The following STK32B variants were observed in gnomAD, a reference collection of about 807,000 sequenced individuals.
The protein encoded by STK32B is serine/threonine-protein kinase 32B.
In STK32B, 43 loss-of-function variants were observed where a neutral mutation model predicts 52.6. That is an observed-to-expected ratio of 0.82 (90% CI 0.64 to 1.05). The LOEUF is 1.05. STK32B is among the 50% of genes least tolerant of loss of function. STK32B has a pLI of 0.00. For missense variants in STK32B, 621 were observed against 534.6 expected (o/e 1.16, Z -1.59); for synonymous variants, 238 against 204.3 (o/e 1.17, Z -1.41).
chr4:5,279,700 T>C (rs893407795), intron 3 of STK32B, among the ~76,000 whole-genome samples: 1 of 152,118 alleles, frequency 6.6e-6, no homozygotes, highest in African/African-American at 2.4e-5. Context: ...CTCCGCCAGG[T>C]GTTGCCATAC....
intron 11 of STK32B, among the ~76,000 whole-genome samples, chr4:5,483,801 T>C (rs1321452865): frequency 1.3e-5 from 2 of 152,186 alleles, no homozygotes; most frequent in Non-Finnish European, 2.9e-5. Flanking sequence ...TTGTTCTCGT[T>C]GGTTTCAAAG....
chr4:5,453,684 A>C lies in STK32B; in HGVS notation c.667-3123A>C, dbSNP rs1183253137. 6.6e-6 allele frequency among the ~76,000 whole-genome samples: 1 copy of C among 152,160 alleles called. No homozygotes were observed. The highest frequency in any genetic ancestry group is 1.5e-5 in the Non-Finnish European group (1 of 68,018). On this transcript the variant is annotated intron_variant, in intron 7 of 11. Coordinates refer to ENST00000282908, the MANE Select transcript of STK32B (RefSeq NM_018401.3). This position sits in a 1 kb window ranked among gnomAD's most constrained non-coding sequence, Gnocchi z 4.0. ...TCTGGGAGGCTGAGACGGGCAGATC[A>C]CCTGAGGTGAGGAGTTCGAGACCAA...
At chr4:5,152,685 C>T (rs149417344) in intron 2 of STK32B, among the ~76,000 whole-genome samples, 14 of 152,338 alleles carry the variant, frequency 9.2e-5, no homozygotes, top group East Asian at 5.8e-4. Flanking sequence ...GAGGGCTGCC[C>T]GTGCAGCATT....
chr4:5,270,114 G>A (rs1727325664), intron 3 of STK32B, among the ~76,000 whole-genome samples: 1 of 152,166 alleles, frequency 6.6e-6, no homozygotes, highest in African/African-American at 2.4e-5. Context: ...CCTCAACCCA[G>A]TTTAGGGCAT....
At chr4:5,445,747 C>T (rs1429921919) in intron 6 of STK32B, among the ~76,000 whole-genome samples, 1 of 152,200 alleles carries the variant, frequency 6.6e-6, no homozygotes, top group Non-Finnish European at 1.5e-5. Context: ...TGAGCACCGC[C>T]TCTGTCTAGT....
At chr4:5,189,694 T>C (rs1293014333) in intron 3 of STK32B, among the ~76,000 whole-genome samples, 3 of 152,238 alleles carry the variant, frequency 2.0e-5, no homozygotes, top group Non-Finnish European at 4.4e-5. Flanking sequence ...TGCTGGATTG[T>C]ATAGTAAGAG....
intron 1 of STK32B, among the ~76,000 whole-genome samples, chr4:5,126,861 G>A (rs552218524): frequency 3.9e-5 from 6 of 152,020 alleles, no homozygotes; most frequent in Non-Finnish European, 7.4e-5. Flanking sequence ...ATTTTTTTAG[G>A]GAATGAATAA....
Position 5,416,924 on chromosome 4 carries a change from G to A in STK32B, c.552G>A (p.Lys184=). 6.2e-7 allele frequency: 1 copy of A among 1,612,872 alleles called. No individual in the cohort carries two copies. Residue 184 remains lysine, a synonymous_variant, in exon 6 of 12, where the codon AAG becomes AAA. Transcript: ENST00000282908. ...GGGCTTCCTCCATGGCTGGCACCAA[G>A]CCCTACATGGGTGAGTGTTCCAGGC... ...AERASSMAGT[K]PYMAPEVFQV...
chr4:5,378,041 G>A lies in STK32B; in HGVS notation c.435-20166G>A, dbSNP rs1290383926. On this transcript the variant is annotated intron_variant, in intron 4 of 11. Coordinates refer to ENST00000282908, the MANE Select transcript of STK32B (RefSeq NM_018401.3). The surrounding 1 kb of genome is among the most constrained non-coding windows in gnomAD (Gnocchi z 4.4). ...CGCTTTGTATTAAAAAGGGTAGTGG[G>A]AATTAGCAAATGTTACTGAGATGTT... Among the ~76,000 whole-genome samples, 2 of 152,182 alleles carry A rather than the reference G, an allele frequency of 1.3e-5. No individual in the cohort carries two copies. Among genetic ancestry groups the A allele is most frequent in the African/African-American group, 2.4e-5 (1 of 41,440 alleles).
In STK32B at chr4:5,252,041, C is replaced by G. The variant is rs77257191; in HGVS notation, c.261-79179C>G. Among the ~76,000 whole-genome samples the G allele has an allele frequency of 3.4e-3, 513 of 152,180 alleles. 3 individuals are homozygous for G. The highest frequency in any genetic ancestry group is 0.011 in the African/African-American group (477 of 41,496). On this transcript the variant is annotated intron_variant, in intron 3 of 11. Transcript: ENST00000282908. Reference sequence around the variant, plus strand: ...TTCATATTCCTTGAACTTTTCCAACCTGAAGATCCCCCAACGAGTCTTTGA... The same window carrying G: ...TTCATATTCCTTGAACTTTTCCAACGTGAAGATCCCCCAACGAGTCTTTGA...
intron 1 of STK32B, among the ~76,000 whole-genome samples, chr4:5,091,568 G>C (rs138934878): frequency 6.6e-6 from 1 of 152,154 alleles, no homozygotes; most frequent in East Asian, 1.9e-4. Context: ...AAACAGAATA[G>C]GAAATATTGG....
chr4:5,341,811 C>T (rs565287550), intron 4 of STK32B, among the ~76,000 whole-genome samples: 8 of 152,188 alleles, frequency 5.3e-5, no homozygotes, highest in Admixed American at 1.3e-4. Context: ...ATTACATGGC[C>T]AGAGCAGGAG....
intron 5 of STK32B, among the ~76,000 whole-genome samples, chr4:5,404,861 CG>C (rs1253773597): frequency 1.5e-5 from 2 of 137,152 alleles, no homozygotes; most frequent in Non-Finnish European, 3.0e-5. Context: ...TCTCTGTATG[CG>C]ATTTTTTTTT....
At chr4:5,181,228 G>C (rs1464690067) in intron 3 of STK32B, among the ~76,000 whole-genome samples, 3 of 152,090 alleles carry the variant, frequency 2.0e-5, no homozygotes, top group Non-Finnish European at 4.4e-5. Context: ...TCTGGAGACA[G>C]GATCTGTAAG....
At chr4:5,322,868 T>G (rs1731609134) in intron 3 of STK32B, among the ~76,000 whole-genome samples, 1 of 152,206 alleles carries the variant, frequency 6.6e-6, no homozygotes, top group Admixed American at 6.5e-5. Flanking sequence ...CTCATATGTG[T>G]TCACGTGTAT....
At chr4:5,116,010 TTCTC>T (rs777080013) in intron 1 of STK32B, among the ~76,000 whole-genome samples, 4 of 152,138 alleles carry the variant, frequency 2.6e-5, no homozygotes, top group Non-Finnish European at 4.4e-5. Context: ...GTAACCTTAA[TTCTC>T]TCCCTCCCTG....
At chr4:5,107,888 T>C (rs1447412176) in intron 1 of STK32B, among the ~76,000 whole-genome samples, 1 of 152,226 alleles carries the variant, frequency 6.6e-6, no homozygotes, top group Admixed American at 6.5e-5. Flanking sequence ...TTATTTTTTA[T>C]ATAAATGTTT....
At position 5,331,439 on chromosome 4, in the gene STK32B, C is replaced by T. The variant is rs554280225; in HGVS notation, c.434+46C>T. 13 of 1,567,286 alleles carry T rather than the reference C, an allele frequency of 8.3e-6. No individual in the cohort carries two copies. The South Asian group carries it at 1.4e-4, about 17-fold the overall frequency. On this transcript the variant is annotated intron_variant, in intron 4 of 11. Coordinates refer to ENST00000282908, the MANE Select transcript of STK32B (RefSeq NM_018401.3). ...ATGCCTGGGACAGAGGGACCATGGGCTAGGGTGTCAGGAGCAGTCTGCAGT... is the reference window on the plus strand; with the variant it reads ...ATGCCTGGGACAGAGGGACCATGGGTTAGGGTGTCAGGAGCAGTCTGCAGT...
chr4:5,070,622 C>T (rs956274326), intron 1 of STK32B, among the ~76,000 whole-genome samples: 8 of 151,986 alleles, frequency 5.3e-5, no homozygotes, highest in African/African-American at 1.9e-4. Context: ...TAGGGTGGGC[C>T]CAATACAATC....
Sources: allele counts gnomAD v4.1 joint callset (sites outside exome capture counted in the v4.1 genomes callset), GRCh38; gene constraint gnomAD v4.1.1; non-coding constraint Gnocchi (gnomAD v3.1); transcripts MANE v1.5; gene names NCBI Gene and HGNC (gene_info 2026-07-23, HGNC 2026-07-21).